Variants in NSUN3 observed in about 807,000 individuals in gnomAD.
NSUN3 encodes NOP2/Sun RNA methyltransferase 3, also known as tRNA (cytosine(34)-C(5))-methyltransferase, mitochondrial.
NSUN3 carries 24 observed loss-of-function variants against 36.8 expected under a neutral mutation model. The observed-to-expected ratio is 0.65, with a 90% confidence interval of 0.47 to 0.92. The LOEUF (loss-of-function observed/expected upper bound fraction) is 0.92, where lower values mean the gene tolerates loss of function less well. NSUN3 is among the 40% of genes least tolerant of loss of function. The probability of loss-of-function intolerance (pLI) is 0.00; values close to 1 mark genes in which losing one functional copy is unlikely to be tolerated. For synonymous variants in NSUN3, 146 were observed against 145.2 expected (o/e 1.01, Z -0.04); for missense variants, 381 against 392.8 (o/e 0.97, Z 0.25).
At chr3:94,078,946 A>G (rs1283897500) in intron 2 of NSUN3, among the ~76,000 whole-genome samples, 1 of 152,048 alleles carries the variant, frequency 6.6e-6, no homozygotes, top group Non-Finnish European at 1.5e-5. Flanking sequence ...TAATATCGTT[A>G]TGTGTGAATT....
intron 3 of NSUN3, among the ~76,000 whole-genome samples, chr3:94,093,894 T>C (rs772056154): frequency 1.1e-4 from 17 of 152,350 alleles, no homozygotes; most frequent in Admixed American, 3.3e-4. Flanking sequence ...TGCTGAGAGC[T>C]TCTGAGAGAC....
At chr3:94,110,796 G>A (rs1157156887) in intron 5 of NSUN3, among the ~76,000 whole-genome samples, 2 of 150,554 alleles carry the variant, frequency 1.3e-5, no homozygotes, top group Non-Finnish European at 3.0e-5. Flanking sequence ...ACATATATAT[G>A]TATGCACATA....
chr3:94,098,845 G>A (rs998295949), intron 5 of NSUN3, among the ~76,000 whole-genome samples: 3 of 152,126 alleles, frequency 2.0e-5, no homozygotes, highest in African/African-American at 7.2e-5. Flanking sequence ...TAGGAGTGGG[G>A]TGGATATTGT....
At chr3:94,094,399 A>G in intron 4 of NSUN3, 105 bp downstream of exon 4, 2 of 1,130,312 alleles carry the variant, frequency 1.8e-6, no homozygotes, top group Non-Finnish European at 2.5e-6. Context: ...AGCCTGATAC[A>G]GTTTCTCAGT....
chr3:94,092,589 T>C (rs773057517), intron 3 of NSUN3, among the ~76,000 whole-genome samples: 2 of 152,024 alleles, frequency 1.3e-5, no homozygotes, highest in Non-Finnish European at 2.9e-5. Context: ...TGCCATCTCC[T>C]GAGTGTCTTC....
intron 5 of NSUN3, among the ~76,000 whole-genome samples, chr3:94,113,765 C>T (rs2077428198): frequency 6.6e-6 from 1 of 152,120 alleles, no homozygotes; most frequent in Non-Finnish European, 1.5e-5. Flanking sequence ...TAGAGTTATA[C>T]AAACAAAGTA....
rs541709907 is a variant in NSUN3, at chr3:94,110,816, A to ATGTG, written c.744-15371_744-15368dup. ...TATATGTATGCACATATATACATATATGTGTGTGTGTGTGTGTGTGTGTGT... is the reference window on the plus strand; with the variant it reads ...TATATGTATGCACATATATACATATATGTGTGTGTGTGTGTGTGTGTGTGTGTGT... On this transcript the variant is annotated intron_variant, in intron 5 of 5. Coordinates refer to ENST00000314622, the MANE Select transcript of NSUN3 (RefSeq NM_022072.5). Among the ~76,000 whole-genome samples, 159 of 146,416 alleles carry ATGTG rather than the reference A, an allele frequency of 1.1e-3. 1 individual carries two copies. The highest frequency in any genetic ancestry group is 7.0e-3 in the Middle Eastern group (2 of 286).
At position 94,127,341 on chromosome 3, in the gene NSUN3, T is replaced by C. The variant is rs1247851740; in HGVS notation, c.*851T>C. On this transcript the variant is annotated 3_prime_UTR_variant, in exon 6 of 6. Transcript: ENST00000314622. The stretch of plus-strand genomic sequence containing the variant: ...CATAATGAGCACTACAGAATCTGAT[T>C]ATCTTACATTCACAATCTGGAGGGG... The C allele has an allele frequency of 4.6e-5, 7 of 152,220 alleles. No individual in the cohort carries two copies. Among genetic ancestry groups the C allele is most frequent in the African/African-American group, 1.4e-4 (6 of 41,460 alleles). 9.4% of individuals were successfully genotyped at this position (152,220 alleles called of 1,614,324 possible).
intron 2 of NSUN3, among the ~76,000 whole-genome samples, chr3:94,068,331 C>T (rs1352971136): frequency 6.6e-6 from 1 of 152,092 alleles, no homozygotes; most frequent in Non-Finnish European, 1.5e-5. Flanking sequence ...ATTAGTTTTG[C>T]CCTTCGTGTA....
chr3:94,102,899 T>C (rs1252408358), intron 5 of NSUN3, among the ~76,000 whole-genome samples: 1 of 152,108 alleles, frequency 6.6e-6, no homozygotes, highest in Non-Finnish European at 1.5e-5. Flanking sequence ...TTTATTTATT[T>C]ATTTTGAGAG....
At chr3:94,094,500 G>T (rs1331215451) in intron 4 of NSUN3, among the ~76,000 whole-genome samples, 4 of 152,176 alleles carry the variant, frequency 2.6e-5, no homozygotes, top group Non-Finnish European at 5.9e-5. Flanking sequence ...TGGGATTGAG[G>T]ATTATAGAAT....
intron 5 of NSUN3, among the ~76,000 whole-genome samples, chr3:94,096,039 G>A (rs953329674): frequency 5.3e-5 from 8 of 151,332 alleles, no homozygotes; most frequent in Non-Finnish European, 8.8e-5. Flanking sequence ...GATTACAGGC[G>A]TGAGCCACCA....
Position 94,096,052 on chromosome 3 carries a change from C to T in NSUN3, c.743+898C>T, listed in dbSNP as rs543338474. Among the ~76,000 whole-genome samples the T allele has an allele frequency of 2.0e-5, 3 of 152,000 alleles. No homozygotes were observed. The East Asian group carries it at 5.8e-4, about 29-fold the overall frequency. On this transcript the variant is annotated intron_variant, in intron 5 of 5. Transcript: ENST00000314622. ...GGGATTACAGGCGTGAGCCACCACG[C>T]CTGGCCACTAAAGCAAAATTATCTA...
intron 2 of NSUN3, chr3:94,077,244 A>T: frequency 1.6e-6 from 1 of 616,304 alleles, no homozygotes; most frequent in Middle Eastern, 4.6e-4. Flanking sequence ...TGCAGGCCGG[A>T]TTGATTTGCA....
chr3:94,109,617 T>G (rs1285936130), intron 5 of NSUN3, among the ~76,000 whole-genome samples: 3 of 152,086 alleles, frequency 2.0e-5, no homozygotes, highest in Non-Finnish European at 2.9e-5. Context: ...GCACATCCGG[T>G]TTGATGATGT....
intron 5 of NSUN3, among the ~76,000 whole-genome samples, chr3:94,102,650 G>C (rs1362644131): frequency 6.6e-6 from 1 of 152,006 alleles, no homozygotes; most frequent in African/African-American, 2.4e-5. Flanking sequence ...TGTGCAATTT[G>C]TTTGCAGAAA....
chr3:94,068,000 C>T (rs2077211975), intron 2 of NSUN3, among the ~76,000 whole-genome samples: 1 of 152,074 alleles, frequency 6.6e-6, no homozygotes, highest in Non-Finnish European at 1.5e-5. Context: ...GCCTTTGGGA[C>T]TGGCTATGCT....
At chr3:94,102,311 A>G (rs1200997982) in intron 5 of NSUN3, among the ~76,000 whole-genome samples, 1 of 151,942 alleles carries the variant, frequency 6.6e-6, no homozygotes, top group Non-Finnish European at 1.5e-5. Flanking sequence ...ATTCATCAAC[A>G]CAGTGACCAA....
At chr3:94,097,385 T>A (rs2077346756) in intron 5 of NSUN3, among the ~76,000 whole-genome samples, 1 of 152,062 alleles carries the variant, frequency 6.6e-6, no homozygotes, top group South Asian at 2.1e-4. Context: ...TAACCAAATA[T>A]TTCTTAAGTC....
Sources: allele counts gnomAD v4.1 joint callset (sites outside exome capture counted in the v4.1 genomes callset), GRCh38; gene constraint gnomAD v4.1.1; transcripts MANE v1.5; gene names NCBI Gene and HGNC (gene_info 2026-07-23, HGNC 2026-07-21).